The following CACNG2 variants were observed in gnomAD, a reference collection of about 807,000 sequenced individuals.
CACNG2 encodes voltage-dependent calcium channel gamma-2 subunit.
A neutral mutation model predicts 25.9 loss-of-function variants in CACNG2; 3 were observed. The observed-to-expected ratio is 0.12, with a 90% CI of 0.05 to 0.30. The LOEUF (loss-of-function observed/expected upper bound fraction) is 0.30, where lower values mean the gene tolerates loss of function less well. Among genes scored for constraint, CACNG2 ranks in the 10% least tolerant of loss-of-function variants. The probability of loss-of-function intolerance (pLI) is 1.00; values close to 1 mark genes in which losing one functional copy is unlikely to be tolerated. For synonymous variants in CACNG2, 167 were observed against 173.3 expected (o/e 0.96, Z 0.29); for missense variants, 341 against 432.5 (o/e 0.79, Z 1.88).
chr22:36,568,432 T>G (rs1003587599), intron 2 of CACNG2, among the ~76,000 whole-genome samples: 1 of 152,004 alleles, frequency 6.6e-6, no homozygotes, highest in East Asian at 1.9e-4. Flanking sequence ...TGAGATGGAG[T>G]CTTGCTCTGT....
chr22:36,587,357 C>A (rs2235681), intron 2 of CACNG2, 108 bp downstream of exon 2: 14 of 836,478 alleles, frequency 1.7e-5, no homozygotes, highest in Non-Finnish European at 1.3e-5. Context: ...TTTTCCTGCC[C>A]TCTGCTGTGA....
chr22:36,596,107 G>A (rs1391045136), intron 1 of CACNG2, among the ~76,000 whole-genome samples: 1 of 152,250 alleles, frequency 6.6e-6, no homozygotes, highest in Non-Finnish European at 1.5e-5. Context: ...GAAGCTGAAA[G>A]AGCAGCTCTG....
chr22:36,677,194 C>T (rs1207402927), intron 1 of CACNG2, among the ~76,000 whole-genome samples: 1 of 152,158 alleles, frequency 6.6e-6, no homozygotes, highest in Non-Finnish European at 1.5e-5. Context: ...CCTCTCTCTT[C>T]ATTTCCTGAA....
At chr22:36,644,932 C>A (rs1031293519) in intron 1 of CACNG2, among the ~76,000 whole-genome samples, 10 of 152,012 alleles carry the variant, frequency 6.6e-5, no homozygotes, top group African/African-American at 2.4e-4. Context: ...AAGTGCAGTC[C>A]CATTGGATGC....
At chr22:36,591,592 G>A (rs980752985) in intron 1 of CACNG2, among the ~76,000 whole-genome samples, 3 of 152,148 alleles carry the variant, frequency 2.0e-5, no homozygotes, top group Non-Finnish European at 4.4e-5. Flanking sequence ...AGGATCCCTT[G>A]AACCCAGGTG....
In CACNG2 at chr22:36,606,752, C is replaced by CTGTG. The variant is rs1320073627; in HGVS notation, c.212-19208_212-19205dup. On this transcript the variant is annotated intron_variant, in intron 1 of 3. Coordinates refer to ENST00000300105, the MANE Select transcript of CACNG2 (RefSeq NM_006078.5). The surrounding 1 kb of genome is among the most constrained non-coding windows in gnomAD (Gnocchi z 5.7). ...AGAGGACGGAAACCAGACGGTTGGGCTGTGCGTGTGTGTGTGTGTGTGTGT... is the reference window on the plus strand; with the variant it reads ...AGAGGACGGAAACCAGACGGTTGGGCTGTGTGTGCGTGTGTGTGTGTGTGTGTGT... Among the ~76,000 whole-genome samples the CTGTG allele has an allele frequency of 7.7e-6, 1 of 130,428 alleles. No homozygotes were observed. Among genetic ancestry groups the CTGTG allele is most frequent in the African/African-American group, 2.8e-5 (1 of 35,798 alleles). 85.6% of individuals were successfully genotyped at this position (130,428 alleles called of 152,430 possible). A position where few individuals can be genotyped will look rare whatever the true frequency, so the allele number is the denominator to read the frequency against.
intron 1 of CACNG2, among the ~76,000 whole-genome samples, chr22:36,616,050 CT>C (rs11289424): frequency 0.52 from 79,695 of 151,944 alleles, 23,133 homozygotes; most frequent in Non-Finnish European, 0.64. Flanking sequence ...CCCAAAGACC[CT>C]CAACTCAGAA....
chr22:36,668,716 G>A (rs1054622898), intron 1 of CACNG2, among the ~76,000 whole-genome samples: 13 of 151,940 alleles, frequency 8.6e-5, no homozygotes, highest in Non-Finnish European at 1.6e-4. Context: ...GGCTGGTCTC[G>A]AACTCCTGAG....
chr22:36,566,644 G>A (rs1044369572), intron 2 of CACNG2, 151 bp from the exon 3 acceptor site: 2 of 867,126 alleles, frequency 2.3e-6, no homozygotes, highest in African/African-American at 1.7e-5. Flanking sequence ...GGGAGGGAGA[G>A]ACAGCGAGCA....
chr22:36,612,891 T>G (rs887320509), intron 1 of CACNG2, among the ~76,000 whole-genome samples: 1 of 152,172 alleles, frequency 6.6e-6, no homozygotes, highest in Non-Finnish European at 1.5e-5. Context: ...AGGTATTTCA[T>G]CCATTAGACA....
chr22:36,667,304 G>A lies in CACNG2; in HGVS notation c.211+35062C>T, dbSNP rs118089598. ...CACCTTGGAGAGAACTTTCCTCACC[G>A]TTGTCCACCCTGGAACTCACCACTT... On this transcript the variant is annotated intron_variant, in intron 1 of 3. Coordinates refer to ENST00000300105, the MANE Select transcript of CACNG2 (RefSeq NM_006078.5). Among the ~76,000 whole-genome samples, 52 of 152,238 alleles carry A rather than the reference G, an allele frequency of 3.4e-4. No individual in the cohort carries two copies. The East Asian group carries it at 9.5e-3, about 28-fold the overall frequency.
At chr22:36,700,779 G>C (rs1937401843) in intron 1 of CACNG2, among the ~76,000 whole-genome samples, 1 of 152,166 alleles carries the variant, frequency 6.6e-6, no homozygotes, top group Non-Finnish European at 1.5e-5. Context: ...ATAGTATTCA[G>C]CATAGAGCTC....
At chr22:36,568,146 C>A (rs1235100001) in intron 2 of CACNG2, among the ~76,000 whole-genome samples, 1 of 151,958 alleles carries the variant, frequency 6.6e-6, no homozygotes, top group Non-Finnish European at 1.5e-5. Flanking sequence ...CCGTGCCTGG[C>A]CAAAGATGTC....
At chr22:36,666,424 T>TTA (rs925249197) in intron 1 of CACNG2, among the ~76,000 whole-genome samples, 5 of 69,364 alleles carry the variant, frequency 7.2e-5, no homozygotes, top group Admixed American at 5.9e-4. Context: ...AATAAATAAA[T>TTA]AAATAAATAC....
intron 2 of CACNG2, among the ~76,000 whole-genome samples, chr22:36,569,309 C>T (rs1935185820): frequency 6.6e-6 from 1 of 152,134 alleles, no homozygotes; most frequent in Admixed American, 6.5e-5. Context: ...AACTCCCCTG[C>T]CACCCAGCTA....
At chr22:36,574,148 G>C (rs1476739259) in intron 2 of CACNG2, among the ~76,000 whole-genome samples, 2 of 152,094 alleles carry the variant, frequency 1.3e-5, no homozygotes, top group Admixed American at 6.6e-5. Context: ...AAACTTTAAA[G>C]GGCTTAGAAC....
intron 1 of CACNG2, among the ~76,000 whole-genome samples, chr22:36,642,868 A>C (rs1158827020): frequency 6.6e-6 from 1 of 152,216 alleles, no homozygotes; most frequent in Non-Finnish European, 1.5e-5. Flanking sequence ...TAAAGAGATT[A>C]TTTTGAGCAT....
At chr22:36,590,843 T>G (rs1184490216) in intron 1 of CACNG2, among the ~76,000 whole-genome samples, 3 of 152,086 alleles carry the variant, frequency 2.0e-5, no homozygotes, top group African/African-American at 4.8e-5. Context: ...TCCCTCCCTG[T>G]GCATCTCTGC....
chr22:36,698,191 CCTCT>C (rs1461687096), intron 1 of CACNG2, among the ~76,000 whole-genome samples: 3 of 152,150 alleles, frequency 2.0e-5, no homozygotes, highest in Non-Finnish European at 4.4e-5. Flanking sequence ...CACTCTCCTC[CCTCT>C]TTCTCTCTCT....
Sources: gnomAD v4.1 joint callset for allele counts (sites outside exome capture counted in the v4.1 genomes callset) on GRCh38, gnomAD v4.1.1 for gene constraint, Gnocchi (gnomAD v3.1) non-coding constraint, MANE v1.5 for transcripts, NCBI Gene and HGNC (gene_info 2026-07-23, HGNC 2026-07-21) for gene names.